NOSIP: variants seen among roughly 807,000 people sequenced by gnomAD.
The protein encoded by NOSIP is nitric oxide synthase-interacting protein.
A neutral mutation model predicts 36.4 loss-of-function variants in NOSIP; 25 were observed. The ratio of observed to expected loss-of-function variants is 0.69; its 90% CI spans 0.50 to 0.96. The LOEUF (loss-of-function observed/expected upper bound fraction) is 0.96, where lower values mean the gene tolerates loss of function less well. Among genes scored for constraint, NOSIP ranks in the 40% least tolerant of loss-of-function variants. The pLI is 0.00. For synonymous variants in NOSIP, 187 were observed against 179.2 expected (o/e 1.04, Z -0.35); for missense variants, 370 against 429.0 (o/e 0.86, Z 1.21).
intron 4 of NOSIP, chr19:49,557,947 T>G (rs2012399013): frequency 1.0e-6 from 1 of 986,938 alleles, no homozygotes; most frequent in Non-Finnish European, 1.2e-6. Flanking sequence ...GGGAGCCACC[T>G]GCTTGGGACA....
At chr19:49,572,972 CAAAAAAAAAAAA>C (rs5828405) in intron 1 of NOSIP, among the ~76,000 whole-genome samples, 6 of 60,798 alleles carry the variant, frequency 9.9e-5, no homozygotes, top group Non-Finnish European at 2.0e-4. Context: ...GACTGTGTCT[CAAAAAAAAAAAA>C]AAAAAAAAAG....
At chr19:49,575,200 T>C (rs544570498) in intron 1 of NOSIP, among the ~76,000 whole-genome samples, 70 of 152,132 alleles carry the variant, frequency 4.6e-4, no homozygotes, top group Non-Finnish European at 9.0e-4. Flanking sequence ...AGTTTCACCA[T>C]GTTGGCCAGG....
chr19:49,569,128 T>G (rs2080451188), intron 1 of NOSIP, among the ~76,000 whole-genome samples: 1 of 149,766 alleles, frequency 6.7e-6, no homozygotes, highest in Non-Finnish European at 1.5e-5. Flanking sequence ...TCATAATGCT[T>G]AGTGAGAAAA....
rs529779077 is a variant in NOSIP, at chr19:49,561,684, T to G, written c.-1-992A>C. Among the ~76,000 whole-genome samples the G allele has an allele frequency of 2.0e-5, 3 of 152,078 alleles. No homozygotes were observed. The East Asian group carries it at 5.8e-4, about 29-fold the overall frequency. ...ATCACTTGAGTTCAGGAGTTCAAGA[T>G]CAGCCTGGCCAACATGGTGAAACCC... On this transcript the variant is annotated intron_variant, in intron 1 of 8. Coordinates refer to ENST00000596358, the MANE Select transcript of NOSIP (RefSeq NM_001270960.2).
At position 49,557,672 on chromosome 19, in the gene NOSIP, G is replaced by A. The variant is rs549523171; in HGVS notation, c.259-423C>T. 180 of 1,010,904 alleles carry A rather than the reference G, an allele frequency of 1.8e-4. No individual in the cohort carries two copies. In the African/African-American group the frequency reaches 2.4e-3, roughly 14 times the overall value. 62.6% of individuals were successfully genotyped at this position (1,010,904 alleles called of 1,614,324 possible). On this transcript the variant is annotated intron_variant, in intron 4 of 8. Coordinates refer to ENST00000596358, the MANE Select transcript of NOSIP (RefSeq NM_001270960.2). ...TTCTATACAGTGCATGCCCCAGCCC[G>A]TGTTTGGGACGGGGGATGTAGACTT...
At chr19:49,575,459 C>G (rs919021775) in intron 1 of NOSIP, among the ~76,000 whole-genome samples, 3 of 152,152 alleles carry the variant, frequency 2.0e-5, no homozygotes, top group Non-Finnish European at 4.4e-5. Context: ...CTGCCTGAGC[C>G]TGAATGAATT....
In NOSIP at chr19:49,560,116, G is replaced by C; in HGVS notation, c.71-77C>G. 1 of 992,228 alleles carries C rather than the reference G, an allele frequency of 1.0e-6. No individual in the cohort carries two copies. The highest frequency in any genetic ancestry group is 1.5e-6 in the Non-Finnish European group (1 of 653,224). The allele number at this position is 992,228 out of a possible 1,614,324, so 61.5% of individuals were successfully genotyped here. On this transcript the variant is annotated intron_variant, in intron 2 of 8. Coordinates refer to ENST00000596358, the MANE Select transcript of NOSIP (RefSeq NM_001270960.2). This position sits in a 1 kb window ranked among gnomAD's most constrained non-coding sequence, Gnocchi z 4.6. ...GTCCGTCTCCAAAGCCCCAGAGAGAGGCACAGAGACAACGCGGTGGTGGGG... is the reference window on the plus strand; with the variant it reads ...GTCCGTCTCCAAAGCCCCAGAGAGACGCACAGAGACAACGCGGTGGTGGGG...
Position 49,560,708 on chromosome 19 carries a change from C to G in NOSIP, c.-1-16G>C, listed in dbSNP as rs747435533. 19 of 1,574,418 alleles carry G rather than the reference C, an allele frequency of 1.2e-5. No homozygotes were observed. In the African/African-American group the frequency reaches 2.4e-4, roughly 20 times the overall value. ...CCGCGTCATCCTAGGGAGGAAGGGA[C>G]AGTGGCAGGACTGTGGTTACCGGAG... On this transcript the variant is annotated splice_polypyrimidine_tract_variant and intron_variant, in intron 1 of 8. Coordinates refer to ENST00000596358, the MANE Select transcript of NOSIP (RefSeq NM_001270960.2). The surrounding 1 kb of genome is among the most constrained non-coding windows in gnomAD (Gnocchi z 4.6).
At chr19:49,575,084 C>T (rs2080534537) in intron 1 of NOSIP, among the ~76,000 whole-genome samples, 1 of 152,048 alleles carries the variant, frequency 6.6e-6, no homozygotes, top group African/African-American at 2.4e-5. Flanking sequence ...AGGATGGTCT[C>T]TATCTCCTGA....
intron 4 of NOSIP, chr19:49,558,243 A>ATTT (rs1240721586): frequency 8.0e-6 from 1 of 124,298 alleles, no homozygotes; most frequent in East Asian, 2.3e-4. Context: ...CACGTAGCAC[A>ATTT]TCTTTTTTTT....
intron 1 of NOSIP, among the ~76,000 whole-genome samples, chr19:49,568,802 G>GTTTTTT (rs1568408606): frequency 8.7e-6 from 1 of 115,018 alleles, no homozygotes; most frequent in African/African-American, 5.3e-5. Context: ...AAAATAGTTT[G>GTTTTTT]TTTGTTTGTT....
intron 4 of NOSIP, chr19:49,557,602 C>T: frequency 8.6e-7 from 1 of 1,161,558 alleles, no homozygotes; most frequent in Non-Finnish European, 1.1e-6. Context: ...TCACCTGGCA[C>T]TCAGCTAAGC....
In NOSIP at chr19:49,560,191, T is replaced by C. The variant is rs1454075457; in HGVS notation, c.71-152A>G. 1.1e-5 allele frequency: 7 copies of C among 618,720 alleles called. No individual in the cohort carries two copies. Among genetic ancestry groups the C allele is most frequent in the Admixed American group, 2.8e-5 (1 of 36,056 alleles). The allele number at this position is 618,720 out of a possible 1,614,324, so 38.3% of individuals were successfully genotyped here. On this transcript the variant is annotated intron_variant, in intron 2 of 8. Coordinates refer to ENST00000596358, the MANE Select transcript of NOSIP (RefSeq NM_001270960.2). This position sits in a 1 kb window ranked among gnomAD's most constrained non-coding sequence, Gnocchi z 4.6. ...CAGTTGGGAGCCGCTGCCTGTGTGC[T>C]GGGGCCACGGGCTGAACCCACAGGG...
At chr19:49,572,867 G>C (rs532822500) in intron 1 of NOSIP, among the ~76,000 whole-genome samples, 1 of 151,332 alleles carries the variant, frequency 6.6e-6, no homozygotes, top group East Asian at 2.0e-4. Flanking sequence ...CCAGCTACTC[G>C]GGAGGCTGAG....
At chr19:49,567,818 T>C (rs1208912889) in intron 1 of NOSIP, among the ~76,000 whole-genome samples, 1 of 151,978 alleles carries the variant, frequency 6.6e-6, no homozygotes, top group African/African-American at 2.4e-5. Context: ...ATGATAGGTG[T>C]CTGCCACCAG....
intron 8 of NOSIP, 120 bp downstream of exon 8, chr19:49,556,197 A>G: frequency 2.4e-6 from 1 of 412,214 alleles, no homozygotes. Flanking sequence ...CTTACAGAGC[A>G]GAGAAGAAGG....
At chr19:49,556,810 G>T (rs1036610890) in intron 6 of NOSIP, 65 bp downstream of exon 6, 1 of 1,595,806 alleles carries the variant, frequency 6.3e-7, no homozygotes. Context: ...CCCTGTGCGT[G>T]AGGAGGACGG....
At chr19:49,568,838 C>G (rs576709958) in intron 1 of NOSIP, among the ~76,000 whole-genome samples, 4 of 143,874 alleles carry the variant, frequency 2.8e-5, no homozygotes, top group Non-Finnish European at 6.0e-5. Context: ...GAGTCTTGCT[C>G]TGTCACCAGG....
chr19:49,559,218 T>C (rs981096095), intron 3 of NOSIP: 4 of 503,962 alleles, frequency 7.9e-6, no homozygotes, highest in African/African-American at 3.8e-5. Context: ...GAGACTAGAT[T>C]TGAGCTTCCA....
Sources: allele counts gnomAD v4.1 joint callset (sites outside exome capture counted in the v4.1 genomes callset), GRCh38; gene constraint gnomAD v4.1.1; non-coding constraint Gnocchi (gnomAD v3.1); transcripts MANE v1.5; gene names NCBI Gene and HGNC (gene_info 2026-07-23, HGNC 2026-07-21).